PKP1: variants seen among roughly 807,000 people sequenced by gnomAD.
PKP1 encodes plakophilin 1, also known as plakophilin-1.
In PKP1, 27 loss-of-function variants were observed where a neutral mutation model predicts 76.4. That is an observed-to-expected ratio of 0.35 (90% CI 0.26 to 0.49). The LOEUF (loss-of-function observed/expected upper bound fraction) is 0.49. PKP1 is among the 20% of genes least tolerant of loss of function. The pLI, the probability that PKP1 is intolerant of heterozygous loss-of-function variation, is 0.99. For synonymous variants in PKP1, 404 were observed against 384.2 expected (o/e 1.05, Z -0.60); for missense variants, 964 against 955.2 (o/e 1.01, Z -0.12).
Position 201,325,853 on chromosome 1 carries a change from C to T in PKP1, c.2106+15C>T, listed in dbSNP as rs1657107772. On this transcript the variant is annotated intron_variant, in intron 12 of 13. Transcript: ENST00000367324. ...TCCTCAGACAGGTAAGAGCCCAGGA[C>T]ATCATCCTCTTCTGAGGTTCTTCCT... The T allele has an allele frequency of 1.3e-6, 2 of 1,590,844 alleles. No homozygotes were observed. The highest frequency in any genetic ancestry group is 1.7e-6 in the Non-Finnish European group (2 of 1,158,944).
Position 201,322,011 on chromosome 1 carries a change from C to G in PKP1, c.1381C>G (p.Leu461Val). Residue 461 changes from leucine to valine, a missense_variant, in exon 8 of 14, where the codon CTC becomes GTC. Physicochemically the swap from Leu to Val is conservative, Grantham distance 32. Transcript: ENST00000367324. ...VENCMCVLHN[L>V]SYRLDAEVPT... ...AAACTGCATGTGTGTTCTGCACAACCTCTCCTACCGCCTGGACGCCGAGGT... is the reference window on the plus strand; with the variant it reads ...AAACTGCATGTGTGTTCTGCACAACGTCTCCTACCGCCTGGACGCCGAGGT... The G allele has an allele frequency of 6.2e-7, 1 of 1,614,176 alleles. No individual in the cohort carries two copies. Among genetic ancestry groups the G allele is most frequent in the South Asian group, 1.1e-5 (1 of 91,080 alleles).
chr1:201,294,101 G>A (rs893552021), intron 2 of PKP1, 56 bp downstream of exon 2: 4 of 1,216,848 alleles, frequency 3.3e-6, no homozygotes, highest in Non-Finnish European at 4.8e-6. Context: ...ATGGTTTGAG[G>A]TTTATAGTGG....
chr1:201,293,772 G>C (rs1426460639), intron 1 of PKP1, among the ~76,000 whole-genome samples, 170 bp from the exon 2 acceptor site: 1 of 152,186 alleles, frequency 6.6e-6, no homozygotes, highest in Non-Finnish European at 1.5e-5. Context: ...CCCGGCTGTG[G>C]AGGATGTGGA....
chr1:201,317,077 G>A (rs922797793), intron 4 of PKP1, among the ~76,000 whole-genome samples: 3 of 152,138 alleles, frequency 2.0e-5, no homozygotes, highest in East Asian at 1.9e-4. Context: ...GGCATCTTAC[G>A]GTAGAAAACA....
At chr1:201,322,970 C>A in intron 8 of PKP1, 43 bp from the exon 9 acceptor site, 1 of 1,595,974 alleles carries the variant, frequency 6.3e-7, no homozygotes, top group Non-Finnish European at 8.6e-7. Flanking sequence ...TGTCCTCTCA[C>A]AAGGCTCCCC....
At position 201,328,782 on chromosome 1, in the gene PKP1, G is replaced by C. The variant is rs1449100844; in HGVS notation, c.2127G>C (p.Met709Ile). 6.2e-7 allele frequency: 1 copy of C among 1,614,076 alleles called. No individual in the cohort carries two copies. Among genetic ancestry groups the C allele is most frequent in the Non-Finnish European group, 8.5e-7 (1 of 1,180,008 alleles). The change falls in exon 13 of 14, where the codon ATG (methionine) becomes ATC (isoleucine). Residue 709 changes from methionine to isoleucine, a missense_variant. Transcript: ENST00000367324. ...TGCAGCAAGGTTTCGATAGGAACAT[G>C]CTGGGAACCTTAGCTGGGGCCAACA... The part of the protein sequence containing the change: ...VLRQQGFDRN[M>I]LGTLAGANSL...
chr1:201,292,282 G>A (rs78986578), intron 1 of PKP1, among the ~76,000 whole-genome samples: 2,664 of 152,238 alleles, frequency 0.017, 74 homozygotes, highest in African/African-American at 0.06. Context: ...GGAACTGTAC[G>A]GGGCCTATGG....
rs1050999217 is a variant in PKP1, at chr1:201,330,306, A to C, written c.*265A>C. 2 of 152,062 alleles carry C rather than the reference A, an allele frequency of 1.3e-5. No individual in the cohort carries two copies. The highest frequency in any genetic ancestry group is 4.8e-5 in the African/African-American group (2 of 41,386). 9.4% of individuals were successfully genotyped at this position (152,062 alleles called of 1,614,324 possible). ...TTAAAGGGGCTTATATGTGATGTCA[A>C]TATTTCTTCCTCTGAGAAATGGTAT... On this transcript the variant is annotated 3_prime_UTR_variant, in exon 14 of 14. Transcript: ENST00000367324.
chr1:201,328,809 C>A lies in PKP1; in HGVS notation c.2154C>A (p.Ser718Arg). 6.2e-7 allele frequency: 1 copy of A among 1,614,114 alleles called. No individual in the cohort carries two copies. Among genetic ancestry groups the A allele is most frequent in the Non-Finnish European group, 8.5e-7 (1 of 1,179,962 alleles). The stretch of plus-strand genomic sequence containing the variant: ...TGGGAACCTTAGCTGGGGCCAACAG[C>A]CTCAGGAACTTCACCTCCCGATTCT... ...NMLGTLAGAN[S>R]LRNFTSRF Residue 718 changes from serine to arginine, a missense_variant, in exon 13 of 14, where the codon AGC becomes AGA. Coordinates refer to ENST00000367324, the MANE Select transcript of PKP1 (RefSeq NM_001005337.3).
intron 1 of PKP1, among the ~76,000 whole-genome samples, chr1:201,285,727 T>G (rs1655713709): frequency 6.6e-6 from 1 of 152,232 alleles, no homozygotes; most frequent in Non-Finnish European, 1.5e-5. Flanking sequence ...GACCCCTTTT[T>G]CCTCCTACCT....
intron 2 of PKP1, among the ~76,000 whole-genome samples, chr1:201,296,333 C>A (rs1408001929): frequency 6.6e-6 from 1 of 152,184 alleles, no homozygotes; most frequent in East Asian, 1.9e-4. Context: ...CAATAGAGAT[C>A]TGTGGCATGA....
Position 201,321,969 on chromosome 1 carries a change from G to T in PKP1, c.1348-9G>T. On this transcript the variant is annotated splice_polypyrimidine_tract_variant and intron_variant, in intron 7 of 13. Transcript: ENST00000367324. ...GAGGCTCAGGCCCATGCCTCTCCTT[G>T]GTCCCCAGTCTGTGGAAAACTGCAT... The T allele has an allele frequency of 6.2e-7, 1 of 1,613,832 alleles. No individual in the cohort carries two copies.
chr1:201,284,465 C>T (rs562358149), intron 1 of PKP1, among the ~76,000 whole-genome samples: 7 of 152,268 alleles, frequency 4.6e-5, no homozygotes, highest in Admixed American at 2.6e-4. Flanking sequence ...TATCCGCGAG[C>T]GGGGTGAGGG....
At chr1:201,301,275 G>T (rs2284439) in intron 2 of PKP1, among the ~76,000 whole-genome samples, 70 of 152,270 alleles carry the variant, frequency 4.6e-4, no homozygotes, top group African/African-American at 1.6e-3. Flanking sequence ...CAGCTGCTTA[G>T]CAAGTGGGGA....
At chr1:201,309,734 G>A (rs1772847) in intron 2 of PKP1, among the ~76,000 whole-genome samples, 23 of 152,176 alleles carry the variant, frequency 1.5e-4, no homozygotes, top group African/African-American at 3.9e-4. Context: ...CTGCTCTCTC[G>A]GGACCTGGAA....
chr1:201,332,114 TC>T lies in PKP1; in HGVS notation c.*2078del. ...AGACACAAGTCCTTGGCTTTAGGGC[TC>T]CCCCGGCTGGGGGCTGTGCAGTCCG... On this transcript the variant is annotated 3_prime_UTR_variant, in exon 14 of 14. Coordinates refer to ENST00000367324, the MANE Select transcript of PKP1 (RefSeq NM_001005337.3). The T allele has an allele frequency of 6.6e-6, 1 of 152,396 alleles. No homozygotes were observed. Among genetic ancestry groups the T allele is most frequent in the Non-Finnish European group, 1.5e-5 (1 of 68,166 alleles). The allele number at this position is 152,396 out of a possible 1,614,324, so 9.4% of individuals were successfully genotyped here.
Position 201,283,641 on chromosome 1 carries a change from C to A in PKP1, c.-62C>A. On this transcript the variant is annotated 5_prime_UTR_variant, in exon 1 of 14. Transcript: ENST00000367324. ...ACGCTCCTGCCCGCCCGCTGCACCG[C>A]ACCTCGCCTCGCCTCTCTGCTCTCC... is the stretch of plus-strand genomic sequence containing the variant. 1.4e-6 allele frequency: 2 copies of A among 1,427,408 alleles called. No homozygotes were observed. The highest frequency in any genetic ancestry group is 1.9e-6 in the Non-Finnish European group (2 of 1,025,740). The allele number at this position is 1,427,408 out of a possible 1,614,324, so 88.4% of individuals were successfully genotyped here.
At chr1:201,289,008 G>A (rs935113124) in intron 1 of PKP1, among the ~76,000 whole-genome samples, 13 of 152,330 alleles carry the variant, frequency 8.5e-5, no homozygotes, top group African/African-American at 3.1e-4. Flanking sequence ...AAAGTGCCCG[G>A]TGAGGCTGTG....
In PKP1 at chr1:201,328,882, C is replaced by A; in HGVS notation, c.*32+14C>A. On this transcript the variant is annotated intron_variant, in intron 13 of 13. Coordinates refer to ENST00000367324, the MANE Select transcript of PKP1 (RefSeq NM_001005337.3). ...TTAGGCTTGCAGGTAAGAATCACCC[C>A]ACCCTCAGGGATGCCTCTGGGACCA... The A allele has an allele frequency of 6.7e-7, 1 of 1,488,966 alleles. No individual in the cohort carries two copies. Among genetic ancestry groups the A allele is most frequent in the Non-Finnish European group, 9.4e-7 (1 of 1,065,810 alleles). 92.2% of individuals were successfully genotyped at this position (1,488,966 alleles called of 1,614,324 possible). A position where few individuals can be genotyped will look rare whatever the true frequency, so the allele number is the denominator to read the frequency against.
Sources: allele counts gnomAD v4.1 joint callset (sites outside exome capture counted in the v4.1 genomes callset), GRCh38; gene constraint gnomAD v4.1.1; transcripts MANE v1.5; gene names NCBI Gene and HGNC (gene_info 2026-07-23, HGNC 2026-07-21).